GRIA4: variants seen among roughly 807,000 people sequenced by gnomAD.
GRIA4 encodes glutamate ionotropic receptor AMPA type subunit 4.
GRIA4 carries 34 observed loss-of-function variants against 104.0 expected under a neutral mutation model. The ratio of observed to expected loss-of-function variants is 0.33; its 90% confidence interval spans 0.25 to 0.44. GRIA4 has a LOEUF of 0.44. Among genes scored for constraint, GRIA4 ranks in the 20% least tolerant of loss-of-function variants. The pLI is 1.00. For missense variants in GRIA4, 750 were observed against 1,096.5 expected, an observed-to-expected ratio of 0.68 and a Z score of 4.46; for synonymous variants, 386 against 381.9, an observed-to-expected ratio of 1.01 and a Z score of -0.13.
At chr11:105,749,483 C>T (rs1939870784) in intron 3 of GRIA4, among the ~76,000 whole-genome samples, 1 of 152,194 alleles carries the variant, frequency 6.6e-6, no homozygotes, top group African/African-American at 2.4e-5. Flanking sequence ...GAAGAAAGAA[C>T]AGTGCTCTTC....
chr11:105,660,373 G>A (rs1951971802), intron 3 of GRIA4, among the ~76,000 whole-genome samples: 1 of 151,678 alleles, frequency 6.6e-6, no homozygotes, highest in Admixed American at 6.6e-5. Context: ...TCCAATATCA[G>A]ACTAAGAATG....
At chr11:105,781,092 C>T (rs1941708289) in intron 4 of GRIA4, among the ~76,000 whole-genome samples, 1 of 152,126 alleles carries the variant, frequency 6.6e-6, no homozygotes. Context: ...AAAACTGATC[C>T]TACATTCAAA....
intron 3 of GRIA4, among the ~76,000 whole-genome samples, chr11:105,693,657 A>C (rs182251695): frequency 5.8e-4 from 89 of 152,334 alleles, no homozygotes; most frequent in African/African-American, 2.0e-3. Flanking sequence ...CTAACAGAGC[A>C]CAAGTATTCA....
intron 3 of GRIA4, among the ~76,000 whole-genome samples, chr11:105,649,024 T>C (rs1951612886): frequency 6.6e-6 from 1 of 152,188 alleles, no homozygotes; most frequent in South Asian, 2.1e-4. Flanking sequence ...CTCATGCTAT[T>C]GTGCCTATCA....
At chr11:105,783,708 G>C (rs979368697) in intron 4 of GRIA4, among the ~76,000 whole-genome samples, 1 of 151,420 alleles carries the variant, frequency 6.6e-6, no homozygotes, top group Non-Finnish European at 1.5e-5. Context: ...GACAGACCTT[G>C]AAATAAAAAG....
intron 4 of GRIA4, among the ~76,000 whole-genome samples, chr11:105,755,746 C>T (rs1940269748): frequency 6.6e-6 from 1 of 152,148 alleles, no homozygotes; most frequent in Non-Finnish European, 1.5e-5. Flanking sequence ...ATCAGCCAAT[C>T]CATTGAAGGC....
intron 7 of GRIA4, 98 bp downstream of exon 7, chr11:105,898,525 A>G: frequency 1.4e-6 from 1 of 738,332 alleles, no homozygotes. Context: ...TGCCAAACAT[A>G]GTATGGCATG....
rs548262419 is a variant in GRIA4, at chr11:105,765,868, C to A, written c.487+12648C>A. Among the ~76,000 whole-genome samples the A allele has an allele frequency of 1.1e-4, 16 of 152,184 alleles. 1 individual carries two copies. In the South Asian group the frequency reaches 3.3e-3, roughly 32 times the overall value. On this transcript the variant is annotated intron_variant, in intron 4 of 16. Coordinates refer to ENST00000282499, the MANE Select transcript of GRIA4 (RefSeq NM_000829.4). ...TTGCCAACCCTTAACTTAGAAACTTCATTGAAAAAATGATTACTTCAATAG... is the reference window on the plus strand; with the variant it reads ...TTGCCAACCCTTAACTTAGAAACTTAATTGAAAAAATGATTACTTCAATAG...
chr11:105,906,513 GGCAAA>G (rs2136151676), intron 9 of GRIA4, among the ~76,000 whole-genome samples: 1 of 152,218 alleles, frequency 6.6e-6, no homozygotes, highest in Admixed American at 6.5e-5. Flanking sequence ...TATGGAAAAT[GGCAAA>G]GGCTTTCCCA....
chr11:105,891,578 G>A (rs1274024188), intron 6 of GRIA4, among the ~76,000 whole-genome samples: 18 of 152,026 alleles, frequency 1.2e-4, no homozygotes, highest in Admixed American at 1.2e-3. Context: ...CCTCTTCCCA[G>A]TTTTGTTTAG....
chr11:105,789,966 A>G (rs4363555), intron 4 of GRIA4, among the ~76,000 whole-genome samples: 68,155 of 152,010 alleles, frequency 0.45, 15,804 homozygotes, highest in Middle Eastern at 0.52. Flanking sequence ...TGGAATGGAC[A>G]GCAACACTGA....
intron 3 of GRIA4, among the ~76,000 whole-genome samples, chr11:105,637,813 T>A (rs1371926518): frequency 6.6e-6 from 1 of 152,118 alleles, no homozygotes; most frequent in Non-Finnish European, 1.5e-5. Context: ...TAAGAGAAAA[T>A]GCAATTTGAA....
chr11:105,902,966 A>T (rs1042664590), intron 7 of GRIA4, among the ~76,000 whole-genome samples: 2 of 152,128 alleles, frequency 1.3e-5, no homozygotes, highest in East Asian at 3.9e-4. Context: ...AAGCGATCCC[A>T]TGTTGATTTA....
intron 3 of GRIA4, among the ~76,000 whole-genome samples, chr11:105,640,752 G>A (rs1951336814): frequency 6.6e-6 from 1 of 151,800 alleles, no homozygotes; most frequent in African/African-American, 2.4e-5. Context: ...GTGTCCACAG[G>A]CAGTGTATGA....
rs189947162 is a variant in GRIA4, at chr11:105,914,072, T to C, written c.1269+3527T>C. Among the ~76,000 whole-genome samples the C allele has an allele frequency of 3.5e-3, 526 of 151,836 alleles. 2 individuals carry two copies. The highest frequency in any genetic ancestry group is 0.012 in the African/African-American group (503 of 41,502). ...TTATATAAAATGTATTATATATATA[T>C]ACAGACATACATACAGAAAATTAAA... On this transcript the variant is annotated intron_variant, in intron 10 of 16. Coordinates refer to ENST00000282499, the MANE Select transcript of GRIA4 (RefSeq NM_000829.4).
chr11:105,763,795 T>C (rs370540870), intron 4 of GRIA4, among the ~76,000 whole-genome samples: 168 of 152,320 alleles, frequency 1.1e-3, no homozygotes, highest in African/African-American at 3.7e-3. Context: ...TCTGGACCTT[T>C]TGTGTGCTTT....
At position 105,980,851 on chromosome 11, in the gene GRIA4, C is replaced by T. The variant is rs1469603959; in HGVS notation, c.*1112C>T. ...ATTATTTTTTGCATACTAAGCTACC[C>T]CTCCTTTTCAGATCTTTGACTCATT... On this transcript the variant is annotated 3_prime_UTR_variant, in exon 17 of 17. Transcript: ENST00000282499. The T allele has an allele frequency of 6.6e-6, 1 of 152,566 alleles. No homozygotes were observed. Among genetic ancestry groups the T allele is most frequent in the Non-Finnish European group, 1.5e-5 (1 of 68,028 alleles). 9.5% of individuals were successfully genotyped at this position (152,566 alleles called of 1,614,324 possible). A position where few individuals can be genotyped will look rare whatever the true frequency, so the allele number is the denominator to read the frequency against.
At chr11:105,905,978 T>C (rs1057325680) in intron 9 of GRIA4, among the ~76,000 whole-genome samples, 5 of 152,324 alleles carry the variant, frequency 3.3e-5, no homozygotes, top group African/African-American at 1.2e-4. Flanking sequence ...ATAAGTGTTT[T>C]GTAGCTAACT....
chr11:105,900,786 C>T (rs1246295839), intron 7 of GRIA4, among the ~76,000 whole-genome samples: 3 of 152,034 alleles, frequency 2.0e-5, no homozygotes, highest in African/African-American at 7.2e-5. Context: ...GACGGGGTTT[C>T]GCCACGATGG....
Sources: allele counts gnomAD v4.1 joint callset (sites outside exome capture counted in the v4.1 genomes callset), GRCh38; gene constraint gnomAD v4.1.1; transcripts MANE v1.5; gene names NCBI Gene and HGNC (gene_info 2026-07-23, HGNC 2026-07-21).